CEP63: variants seen among roughly 807,000 people sequenced by gnomAD.
CEP63 encodes centrosomal protein 63.
A neutral mutation model predicts 89.1 loss-of-function variants in CEP63; 84 were observed. The ratio of observed to expected loss-of-function variants is 0.94; its 90% CI spans 0.79 to 1.13. The LOEUF (loss-of-function observed/expected upper bound fraction) is 1.13. Among genes scored for constraint, CEP63 ranks in the 50% most tolerant of loss-of-function variants. The probability of loss-of-function intolerance (pLI) is 0.00; values close to 1 mark genes in which losing one functional copy is unlikely to be tolerated. For missense variants in CEP63, 838 were observed against 813.3 expected, an observed-to-expected ratio of 1.03 and a Z score of -0.37; for synonymous variants, 267 against 272.5, an observed-to-expected ratio of 0.98 and a Z score of 0.20.
chr3:134,618,099 G>A, the CEP63 span, among the ~76,000 whole-genome samples: 1 of 152,132 alleles, frequency 6.6e-6, no homozygotes, highest in Non-Finnish European at 1.5e-5. Flanking sequence ...GGCCTTGAAA[G>A]TGAGAAAAGG....
At chr3:134,655,268 C>G in the CEP63 span, among the ~76,000 whole-genome samples, 4,545 of 152,296 alleles carry the variant, frequency 0.03, 193 homozygotes, top group African/African-American at 0.1. Flanking sequence ...CATCTCTGAC[C>G]TCCGTGTTGC....
intron 3 of CEP63, among the ~76,000 whole-genome samples, chr3:134,527,225 C>T (rs761899635): frequency 5.9e-5 from 9 of 152,236 alleles, no homozygotes; most frequent in East Asian, 1.9e-4. Context: ...GGGAGGTGAG[C>T]GGGGACCCCT....
the CEP63 span, among the ~76,000 whole-genome samples, chr3:134,624,421 C>T: frequency 5.9e-5 from 9 of 152,318 alleles, no homozygotes; most frequent in Non-Finnish European, 5.9e-5. Context: ...ATAAGGTGGC[C>T]TTTTTAAGAC....
the CEP63 span, among the ~76,000 whole-genome samples, chr3:134,703,306 A>C: frequency 6.6e-6 from 1 of 150,598 alleles, no homozygotes; most frequent in African/African-American, 2.5e-5. Context: ...AAAAAAAAAA[A>C]AAAAAAAAAA....
At chr3:134,620,977 C>A in the CEP63 span, 2 of 670,926 alleles carry the variant, frequency 3.0e-6, no homozygotes, top group Non-Finnish European at 5.3e-6. Flanking sequence ...GAGGAGAGGT[C>A]CTGAGGGGCA....
intron 3 of CEP63, among the ~76,000 whole-genome samples, chr3:134,513,141 T>TAC (rs1945389049): frequency 1.3e-5 from 2 of 152,336 alleles, no homozygotes; most frequent in Non-Finnish European, 1.5e-5. Flanking sequence ...GATAGGTGTA[T>TAC]AGCTGTCATC....
the CEP63 span, among the ~76,000 whole-genome samples, chr3:134,661,385 AC>A: frequency 6.6e-6 from 1 of 150,978 alleles, no homozygotes; most frequent in Non-Finnish European, 1.5e-5. Context: ...TCATTCAGTT[AC>A]CCCCCTCCCC....
At chr3:134,583,680 T>C (rs1161119600) in intron 10 of CEP63, among the ~76,000 whole-genome samples, 1 of 152,180 alleles carries the variant, frequency 6.6e-6, no homozygotes, top group Non-Finnish European at 1.5e-5. Context: ...TTTGGTTCCA[T>C]ATGAACTTTA....
chr3:134,640,334 G>C, the CEP63 span, among the ~76,000 whole-genome samples: 1 of 152,280 alleles, frequency 6.6e-6, no homozygotes, highest in African/African-American at 2.4e-5. Flanking sequence ...CCACAGACAT[G>C]GGTTCAACTT....
the CEP63 span, among the ~76,000 whole-genome samples, chr3:134,701,902 G>A: frequency 6.6e-6 from 1 of 152,110 alleles, no homozygotes; most frequent in Non-Finnish European, 1.5e-5. Flanking sequence ...AAGAGACAGT[G>A]AGACCCTACA....
chr3:134,544,400 T>A (rs1304024148), intron 6 of CEP63, among the ~76,000 whole-genome samples: 1 of 152,202 alleles, frequency 6.6e-6, no homozygotes, highest in East Asian at 1.9e-4. Context: ...AACGTATCAT[T>A]CAGAGAAACC....
At chr3:134,700,996 T>G in the CEP63 span, among the ~76,000 whole-genome samples, 1 of 147,168 alleles carries the variant, frequency 6.8e-6, no homozygotes, top group Admixed American at 7.0e-5. Context: ...TCCTCCATTG[T>G]TTTTCTCCCT....
At chr3:134,752,247 T>A in the CEP63 span, among the ~76,000 whole-genome samples, 1 of 152,088 alleles carries the variant, frequency 6.6e-6, no homozygotes, top group Non-Finnish European at 1.5e-5. Flanking sequence ...TTTGGGTGAG[T>A]TAACCCATCT....
At chr3:134,574,236 G>A (rs1236156639) in intron 11 of CEP63, among the ~76,000 whole-genome samples, 1 of 152,222 alleles carries the variant, frequency 6.6e-6, no homozygotes. Context: ...GGACTGGGGT[G>A]AGAAGAGAGA....
rs1676568875 is a variant in CEP63 at position 134,492,553 on chromosome 3, TTAC to T, written c.-25-2741_-25-2739del. On this transcript the variant is annotated intron_variant, in intron 1 of 14. Transcript: ENST00000675561. ...TTTACTTTATTTCTCACATAGGATA[TTAC>T]TGGTCCACTTCCCTCCTTTTTTTTT... 2.0e-5 allele frequency among the ~76,000 whole-genome samples: 3 copies of T among 151,676 alleles called. No homozygotes were observed. In the South Asian group the frequency reaches 6.2e-4, roughly 32 times the overall value.
chr3:134,607,906 G>A, the CEP63 span: 2 of 991,690 alleles, frequency 2.0e-6, no homozygotes, highest in African/African-American at 3.5e-5. Context: ...CCTCATCCAG[G>A]GGTGCCTGAG....
At chr3:134,584,276 C>T (rs1014979146) in intron 10 of CEP63, among the ~76,000 whole-genome samples, 4 of 152,154 alleles carry the variant, frequency 2.6e-5, no homozygotes, top group African/African-American at 9.7e-5. Flanking sequence ...GGAATGCCTC[C>T]AATTTTTGCC....
chr3:134,639,597 A>T, the CEP63 span, among the ~76,000 whole-genome samples: 5 of 152,184 alleles, frequency 3.3e-5, no homozygotes, highest in Admixed American at 6.5e-5. Context: ...TTGCATGGGG[A>T]TAAGGGCTGA....
chr3:134,495,221 T>C, intron 1 of CEP63, 75 bp from the exon 2 acceptor site: 1 of 1,055,220 alleles, frequency 9.5e-7, no homozygotes, highest in Non-Finnish European at 1.5e-6. Flanking sequence ...TTCATTCACA[T>C]TCTTAAGTTG....
Sources: gnomAD v4.1 joint callset for allele counts (sites outside exome capture counted in the v4.1 genomes callset) on GRCh38, gnomAD v4.1.1 for gene constraint, MANE v1.5 for transcripts, NCBI Gene and HGNC (gene_info 2026-07-23, HGNC 2026-07-21) for gene names.